Variants in ZNF487 observed in about 807,000 individuals in gnomAD.
The protein encoded by ZNF487 is KRAB domain only 1.
Under a neutral mutation model 3.0 loss-of-function variants are expected in ZNF487, and 4 were observed. The ratio of observed to expected loss-of-function variants is 1.35; its 90% CI spans 0.66 to 3.08. ZNF487 has a LOEUF of 3.08. Ranked by LOEUF, ZNF487 falls within the 30% of genes most tolerant of loss-of-function variation. The probability of loss-of-function intolerance (pLI) is 0.01; values close to 1 mark genes in which losing one functional copy is unlikely to be tolerated. For synonymous variants in ZNF487, 55 were observed against 34.6 expected (o/e 1.59, Z -2.06); for missense variants, 146 against 98.7 (o/e 1.48, Z -2.03).
chr10:43,447,306 G>C (rs1354072543), intron 1 of ZNF487, among the ~76,000 whole-genome samples: 1 of 151,804 alleles, frequency 6.6e-6, no homozygotes, highest in Non-Finnish European at 1.5e-5. Context: ...GCAGTGGCAC[G>C]ATCTTAGCTC....
chr10:43,469,478 C>G (rs1227205898), intron 1 of ZNF487, among the ~76,000 whole-genome samples: 2 of 152,082 alleles, frequency 1.3e-5, no homozygotes, highest in Admixed American at 6.6e-5. Flanking sequence ...CAGGCGTGAG[C>G]CACCGCGCCT....
intron 3 of ZNF487, among the ~76,000 whole-genome samples, chr10:43,479,971 TTTTCTTTCTTTCC>T (rs142495057): frequency 0.69 from 84,581 of 122,764 alleles, 28,448 homozygotes; most frequent in Non-Finnish European, 0.76. Flanking sequence ...TCTTTCTTTC[TTTTCTTTCTTTCC>T]TTCTTTCTTT....
chr10:43,499,417 T>C, the ZNF487 span, among the ~76,000 whole-genome samples: 110,492 of 152,004 alleles, frequency 0.73, 41,460 homozygotes, highest in East Asian at 0.93. Context: ...TTTTTTGTTA[T>C]TTTATTTTAT....
intron 1 of ZNF487, among the ~76,000 whole-genome samples, chr10:43,473,372 G>A (rs1229025724): frequency 2.0e-5 from 3 of 152,004 alleles, no homozygotes; most frequent in Non-Finnish European, 4.4e-5. Flanking sequence ...GAGCCACCGC[G>A]CCTGGCGTAG....
chr10:43,494,790 A>G, the ZNF487 span, among the ~76,000 whole-genome samples: 1 of 148,288 alleles, frequency 6.7e-6, no homozygotes, highest in Admixed American at 6.8e-5. Flanking sequence ...AAAAAAAAAA[A>G]GCTGGGCATG....
At chr10:43,457,195 G>A (rs1426882975) in intron 1 of ZNF487, among the ~76,000 whole-genome samples, 2 of 151,958 alleles carry the variant, frequency 1.3e-5, no homozygotes, top group Non-Finnish European at 2.9e-5. Context: ...GTAGTGAGCC[G>A]AGATAGAGCC....
At position 43,482,919 on chromosome 10, in the gene ZNF487, T is replaced by C. The variant is rs919053775; in HGVS notation, c.*997T>C. 1.9e-6 allele frequency: 1 copy of C among 532,174 alleles called. No individual in the cohort carries two copies. The highest frequency in any genetic ancestry group is 3.9e-6 in the Non-Finnish European group (1 of 259,402). 33.0% of individuals were successfully genotyped at this position (532,174 alleles called of 1,614,324 possible). ...CCACACAGGAGAGAAACCCTATGCA[T>C]GTAGTGAATGTGGGAAAACCTTCTA... is the stretch of plus-strand genomic sequence containing the variant. On this transcript the variant is annotated 3_prime_UTR_variant, in exon 4 of 4. Coordinates refer to ENST00000437590, the MANE Select transcript of ZNF487 (RefSeq NM_001355444.3).
At chr10:43,473,253 T>C (rs1262912213) in intron 1 of ZNF487, among the ~76,000 whole-genome samples, 2 of 148,966 alleles carry the variant, frequency 1.3e-5, no homozygotes, top group South Asian at 2.2e-4. Flanking sequence ...GCCTGTCTAA[T>C]TTTTTTGTAT....
intron 1 of ZNF487, among the ~76,000 whole-genome samples, chr10:43,473,277 G>A: frequency 6.6e-6 from 1 of 150,548 alleles, no homozygotes; most frequent in East Asian, 2.0e-4. Context: ...TAGTAGATAT[G>A]GGGTTTCACC....
intron 1 of ZNF487, among the ~76,000 whole-genome samples, chr10:43,456,721 C>T (rs1840217511): frequency 1.3e-5 from 2 of 152,206 alleles, no homozygotes; most frequent in Middle Eastern, 3.4e-3. Context: ...GCTGAGATTA[C>T]AGGTGCGCGA....
At chr10:43,449,450 C>T (rs1839931054) in intron 1 of ZNF487, among the ~76,000 whole-genome samples, 1 of 152,134 alleles carries the variant, frequency 6.6e-6, no homozygotes, top group Admixed American at 6.6e-5. Context: ...AGTCAACTCA[C>T]TATTTAAAGC....
In ZNF487 at chr10:43,482,435, A is replaced by G. The variant is rs1379149522; in HGVS notation, c.*513A>G. The G allele has an allele frequency of 1.3e-5, 6 of 471,128 alleles. No individual in the cohort carries two copies. The highest frequency in any genetic ancestry group is 2.2e-5 in the Non-Finnish European group (5 of 231,054). The allele number at this position is 471,128 out of a possible 1,614,324, so 29.2% of individuals were successfully genotyped here. ...CTATGAATGCACTGAATGTGGGAAAACTTTTGGATATAGGTCATGCCTTGC... is the reference window on the plus strand; with the variant it reads ...CTATGAATGCACTGAATGTGGGAAAGCTTTTGGATATAGGTCATGCCTTGC... On this transcript the variant is annotated 3_prime_UTR_variant, in exon 4 of 4. Transcript: ENST00000437590.
At chr10:43,463,554 T>A (rs1294263964) in intron 1 of ZNF487, among the ~76,000 whole-genome samples, 2 of 150,224 alleles carry the variant, frequency 1.3e-5, no homozygotes, top group African/African-American at 4.9e-5. Context: ...AAAAAAAAAT[T>A]TTTTTTTTTT....
At chr10:43,515,908 G>A in the ZNF487 span, among the ~76,000 whole-genome samples, 1 of 152,076 alleles carries the variant, frequency 6.6e-6, no homozygotes, top group Admixed American at 6.6e-5. Context: ...TTGAGTAGCT[G>A]GGACTACAGG....
At chr10:43,508,703 A>C in the ZNF487 span, among the ~76,000 whole-genome samples, 1 of 151,980 alleles carries the variant, frequency 6.6e-6, no homozygotes, top group Non-Finnish European at 1.5e-5. Context: ...AAAACTAGCC[A>C]GGTGTAGTGG....
chr10:43,487,254 C>A (rs1841478741), downstream of ZNF487, among the ~76,000 whole-genome samples: 1 of 151,404 alleles, frequency 6.6e-6, no homozygotes, highest in Non-Finnish European at 1.5e-5. Context: ...ATTCTCCTGC[C>A]TCAGCCTCCT....
chr10:43,477,344 A>T (rs1182131575), intron 3 of ZNF487, among the ~76,000 whole-genome samples: 1 of 151,718 alleles, frequency 6.6e-6, no homozygotes, highest in Admixed American at 6.6e-5. Flanking sequence ...ATAGGTGTGT[A>T]TCACCACGCC....
chr10:43,521,522 G>T, the ZNF487 span, among the ~76,000 whole-genome samples: 1 of 152,148 alleles, frequency 6.6e-6, no homozygotes, highest in Non-Finnish European at 1.5e-5. Context: ...TATAGTATGA[G>T]AACTGAAACA....
chr10:43,482,438 T>G lies in ZNF487; in HGVS notation c.*516T>G. On this transcript the variant is annotated 3_prime_UTR_variant, in exon 4 of 4. Coordinates refer to ENST00000437590, the MANE Select transcript of ZNF487 (RefSeq NM_001355444.3). The stretch of plus-strand genomic sequence containing the variant: ...TGAATGCACTGAATGTGGGAAAACT[T>G]TTGGATATAGGTCATGCCTTGCAGT... 1 of 471,278 alleles carries G rather than the reference T, an allele frequency of 2.1e-6. No homozygotes were observed. The highest frequency in any genetic ancestry group is 4.3e-6 in the Non-Finnish European group (1 of 231,098). The allele number at this position is 471,278 out of a possible 1,614,324, so 29.2% of individuals were successfully genotyped here. A position where few individuals can be genotyped will look rare whatever the true frequency, so the allele number is the denominator to read the frequency against.
Sources: allele counts gnomAD v4.1 joint callset (sites outside exome capture counted in the v4.1 genomes callset), GRCh38; gene constraint gnomAD v4.1.1; transcripts MANE v1.5; gene names NCBI Gene and HGNC (gene_info 2026-07-23, HGNC 2026-07-21).